The following MEX3C variants were observed in gnomAD, a reference collection of about 807,000 sequenced individuals.
The protein encoded by MEX3C is RNA-binding E3 ubiquitin-protein ligase MEX3C.
Under a neutral mutation model 35.5 loss-of-function variants are expected in MEX3C, and 15 were observed. The observed-to-expected ratio is 0.42, with a 90% CI of 0.28 to 0.65. The LOEUF (loss-of-function observed/expected upper bound fraction) is 0.65. MEX3C is among the 30% of genes least tolerant of loss of function. The probability of loss-of-function intolerance (pLI) is 0.20; values close to 1 mark genes in which losing one functional copy is unlikely to be tolerated. For missense variants in MEX3C, 711 were observed against 842.8 expected (o/e 0.84, Z 1.94); for synonymous variants, 390 against 352.8 (o/e 1.11, Z -1.18).
At chr18:51,184,574 T>C (rs181669972) in intron 1 of MEX3C, among the ~76,000 whole-genome samples, 837 of 152,288 alleles carry the variant, frequency 5.5e-3, no homozygotes, top group Non-Finnish European at 0.01. Flanking sequence ...AAGTAGCTTT[T>C]GGCTGTGTGT....
Position 51,174,699 on chromosome 18 carries a change from T to G in MEX3C, c.*1652A>C, listed in dbSNP as rs1251632272. 1 of 152,610 alleles carries G rather than the reference T, an allele frequency of 6.6e-6. No individual in the cohort carries two copies. 9.5% of individuals were successfully genotyped at this position (152,610 alleles called of 1,614,324 possible). On this transcript the variant is annotated 3_prime_UTR_variant, in exon 2 of 2. Transcript: ENST00000406189. ...TTATCATAAAATATATGGTTTTAAA[T>G]TTTACTCAAATTGAATTTATAATCC...
chr18:51,197,039 C>T lies in MEX3C; in HGVS notation c.282G>A (p.Pro94=), dbSNP rs1912822821. 13 of 1,510,924 alleles carry T rather than the reference C, an allele frequency of 8.6e-6. No homozygotes were observed. Among genetic ancestry groups the T allele is most frequent in the Non-Finnish European group, 1.1e-5 (13 of 1,135,764 alleles). The allele number at this position is 1,510,924 out of a possible 1,614,324, so 93.6% of individuals were successfully genotyped here. Residue 94 remains proline (P), a synonymous_variant, in exon 1 of 2, where the codon CCG becomes CCA. Coordinates refer to ENST00000406189, the MANE Select transcript of MEX3C (RefSeq NM_016626.5). ...AAELSPEERA[P]PGRPGAPEAA... is the part of the protein sequence containing the mutation. ...CCTCCGGGGCCCCGGGCCGGCCGGG[C>T]GGAGCCCGCTCCTCTGGAGACAGCT...
intron 1 of MEX3C, among the ~76,000 whole-genome samples, chr18:51,185,217 C>T (rs967811494): frequency 1.3e-5 from 2 of 152,202 alleles, no homozygotes; most frequent in Admixed American, 6.5e-5. Flanking sequence ...AATTTGATTG[C>T]TTGCAGTGAA....
chr18:51,192,149 C>T (rs1479135782), intron 1 of MEX3C, among the ~76,000 whole-genome samples: 1 of 152,028 alleles, frequency 6.6e-6, no homozygotes, highest in African/African-American at 2.4e-5. Context: ...CAGACTAACA[C>T]AAATACTTGG....
chr18:51,186,202 C>T (rs1912533579), intron 1 of MEX3C, among the ~76,000 whole-genome samples: 1 of 152,126 alleles, frequency 6.6e-6, no homozygotes, highest in African/African-American at 2.4e-5. Context: ...TATAAATGAA[C>T]CAGCATCATT....
At chr18:51,181,512 GT>G (rs199656109) in intron 1 of MEX3C, among the ~76,000 whole-genome samples, 1 of 14,090 alleles carries the variant, frequency 7.1e-5, no homozygotes, top group African/African-American at 7.6e-5. Flanking sequence ...AACAATGCTA[GT>G]AAAGAGTGGG....
chr18:51,179,629 G>T (rs1422553202), intron 1 of MEX3C, among the ~76,000 whole-genome samples: 1 of 152,146 alleles, frequency 6.6e-6, no homozygotes, highest in Non-Finnish European at 1.5e-5. Flanking sequence ...CACATTTTCG[G>T]ATTAGAAGTG....
chr18:51,176,559 T>C lies in MEX3C; in HGVS notation c.1772A>G (p.Asn591Ser), dbSNP rs769206523. 3.1e-6 allele frequency: 5 copies of C among 1,613,930 alleles called. No individual in the cohort carries two copies. Among genetic ancestry groups the C allele is most frequent in the Non-Finnish European group, 4.2e-6 (5 of 1,179,862 alleles). Residue 591 changes from asparagine (N) to serine (S), a missense_variant, in exon 2 of 2, where the codon AAT becomes AGT. Asn to Ser is a conservative substitution (Grantham distance 46). This residue lies in a region of MEX3C where 87 missense variants were observed against 150.4 expected (regional missense o/e 0.58). Coordinates refer to ENST00000406189, the MANE Select transcript of MEX3C (RefSeq NM_016626.5). ...SNGTNSYSSSNGGSTSSSPPE... is the reference protein window; with the variant it reads ...SNGTNSYSSSSGGSTSSSPPE... ...AGGTGAGCTAGAGGTGGAACCACCATTGGAAGAGGAGTAACTATTGGTACC... is the reference window on the plus strand; with the variant it reads ...AGGTGAGCTAGAGGTGGAACCACCACTGGAAGAGGAGTAACTATTGGTACC...
At position 51,176,270 on chromosome 18, in the gene MEX3C, G is replaced by A; in HGVS notation, c.*81C>T. ...TGATAACAGTCATAAGAAATCATTA[G>A]GAAGTTTACTGGGGGGTACCATTAT... On this transcript the variant is annotated 3_prime_UTR_variant, in exon 2 of 2. Coordinates refer to ENST00000406189, the MANE Select transcript of MEX3C (RefSeq NM_016626.5). The A allele has an allele frequency of 7.7e-7, 1 of 1,302,786 alleles. No individual in the cohort carries two copies. Among genetic ancestry groups the A allele is most frequent in the Non-Finnish European group, 1.0e-6 (1 of 964,676 alleles). 80.7% of individuals were successfully genotyped at this position (1,302,786 alleles called of 1,614,324 possible).
In MEX3C at chr18:51,175,031, T is replaced by C. The variant is rs1330016747; in HGVS notation, c.*1320A>G. 1 of 152,636 alleles carries C rather than the reference T, an allele frequency of 6.6e-6. No individual in the cohort carries two copies. The highest frequency in any genetic ancestry group is 1.5e-5 in the Non-Finnish European group (1 of 68,028). The allele number at this position is 152,636 out of a possible 1,614,324, so 9.5% of individuals were successfully genotyped here. The stretch of plus-strand genomic sequence containing the variant: ...GCCATCAAGGCAACTTTTTTTATAC[T>C]GAAAAAATCAAAATAAAAACCGTTA... On this transcript the variant is annotated 3_prime_UTR_variant, in exon 2 of 2. Coordinates refer to ENST00000406189, the MANE Select transcript of MEX3C (RefSeq NM_016626.5).
In MEX3C at chr18:51,177,549, T is replaced by C. The variant is rs1912332698; in HGVS notation, c.782A>G (p.Lys261Arg). 4 of 1,607,282 alleles carry C rather than the reference T, an allele frequency of 2.5e-6. No homozygotes were observed. The highest frequency in any genetic ancestry group is 2.5e-6 in the Non-Finnish European group (3 of 1,177,394). ...QGCKIKALRA[K>R]TNTYIKTPVR... ...AGGAGTCTTGATATACGTGTTTGTC[T>C]TGGCTCTCAGTGCTTTAATTTTACA... The change falls in exon 2 of 2, where the codon AAG becomes AGG. Residue 261 changes from lysine to arginine, a missense_variant. Transcript: ENST00000406189. This position sits in a 1 kb window ranked among gnomAD's most constrained non-coding sequence, Gnocchi z 4.2.
rs1226041379 is a variant in MEX3C, at chr18:51,197,535, T to C, written c.-215A>G. Among the ~76,000 whole-genome samples the C allele has an allele frequency of 3.8e-5, 2 of 52,260 alleles. No individual in the cohort carries two copies. Among genetic ancestry groups the C allele is most frequent in the African/African-American group, 1.5e-4 (2 of 13,004 alleles). 34.3% of individuals were successfully genotyped at this position (52,260 alleles called of 152,430 possible). On this transcript the variant is annotated 5_prime_UTR_variant, in exon 1 of 2. Transcript: ENST00000406189. ...GGCAGGGGAAGGAGGCAGAGGTAGGTAACTAGGTGGGTGGGTGGGGACGGC... is the reference window on the plus strand; with the variant it reads ...GGCAGGGGAAGGAGGCAGAGGTAGGCAACTAGGTGGGTGGGTGGGGACGGC...
At chr18:51,180,987 GA>G (rs780441527) in intron 1 of MEX3C, among the ~76,000 whole-genome samples, 63 of 152,130 alleles carry the variant, frequency 4.1e-4, no homozygotes, top group Non-Finnish European at 7.5e-4. Flanking sequence ...TAATGTTGGG[GA>G]CTACTCGAAT....
rs1912826901 is a variant in MEX3C, at chr18:51,197,129, C to T, written c.192G>A (p.Glu64=). Residue 64 remains glutamate (E), a synonymous_variant, in exon 1 of 2, where the codon GAG becomes GAA. Coordinates refer to ENST00000406189, the MANE Select transcript of MEX3C (RefSeq NM_016626.5). ...GGGCCCGAAGCGCCGGGGCGCCGGGCTCCGCCGGGCTGGGGTCGTCGAGGC... is the reference window on the plus strand; with the variant it reads ...GGGCCCGAAGCGCCGGGGCGCCGGGTTCCGCCGGGCTGGGGTCGTCGAGGC... ...ALGLDDPSPA[E]PGAPALRAPA... 1 of 1,093,244 alleles carries T rather than the reference C, an allele frequency of 9.1e-7. No individual in the cohort carries two copies. The highest frequency in any genetic ancestry group is 1.7e-5 in the African/African-American group (1 of 59,118). 67.7% of individuals were successfully genotyped at this position (1,093,244 alleles called of 1,614,324 possible).
chr18:51,195,204 T>C (rs989879263), intron 1 of MEX3C: 2 of 152,198 alleles, frequency 1.3e-5, no homozygotes, highest in African/African-American at 2.4e-5. Flanking sequence ...AAACAAAAGT[T>C]TTCTCCTGGA....
intron 1 of MEX3C, among the ~76,000 whole-genome samples, chr18:51,180,779 G>A (rs1912410969): frequency 1.3e-5 from 2 of 152,132 alleles, no homozygotes; most frequent in Admixed American, 1.3e-4. Context: ...CATCGTGCCT[G>A]GCCACCAACC....
chr18:51,190,474 C>T (rs1599256278), intron 1 of MEX3C, among the ~76,000 whole-genome samples: 1 of 152,302 alleles, frequency 6.6e-6, no homozygotes, highest in African/African-American at 2.4e-5. Context: ...TTACCTTCAA[C>T]TACATCTGCA....
chr18:51,194,609 T>A (rs1446485345), intron 1 of MEX3C: 2 of 152,212 alleles, frequency 1.3e-5, no homozygotes, highest in African/African-American at 2.4e-5. Context: ...CTAAAGTTTG[T>A]ATTAAACTAA....
intron 1 of MEX3C, among the ~76,000 whole-genome samples, chr18:51,182,553 C>T (rs1397293402): frequency 6.6e-6 from 1 of 152,148 alleles, no homozygotes; most frequent in Admixed American, 6.5e-5. Context: ...GGTGTAGGAA[C>T]CCATTTTCCT....
Sources: gnomAD v4.1 joint callset for allele counts (sites outside exome capture counted in the v4.1 genomes callset) on GRCh38, gnomAD v4.1.1 for gene constraint, gnomAD v4.1.1 regional missense constraint, Gnocchi (gnomAD v3.1) non-coding constraint, MANE v1.5 for transcripts, NCBI Gene and HGNC (gene_info 2026-07-23, HGNC 2026-07-21) for gene names.